UNC80: variants seen among roughly 807,000 people sequenced by gnomAD.
UNC80 encodes the protein protein unc-80 homolog.
A neutral mutation model predicts 384.6 loss-of-function variants in UNC80; 164 were observed. That is an observed-to-expected ratio of 0.43 (90% CI 0.38 to 0.49). The LOEUF (loss-of-function observed/expected upper bound fraction) is 0.49, where lower values mean the gene tolerates loss of function less well. Ranked by LOEUF, UNC80 falls within the 20% of genes least tolerant of loss-of-function variation. The pLI, the probability that UNC80 is intolerant of heterozygous loss-of-function variation, is 0.00. For missense variants in UNC80, 3,330 were observed against 4,143.0 expected (o/e 0.80, Z 5.39); for synonymous variants, 1,486 against 1,527.8 (o/e 0.97, Z 0.64).
Position 209,834,152 on chromosome 2 carries a change from C to A in UNC80, c.2926C>A (p.Pro976Thr). The A allele has an allele frequency of 6.4e-7, 1 of 1,551,444 alleles. No individual in the cohort carries two copies. Among genetic ancestry groups the A allele is most frequent in the South Asian group, 1.2e-5 (1 of 84,042 alleles). ...GGAGGAGAATGAACAGGAATCTAAG[C>A]CTGCAGGCAGTAAAAGGTTGGAAGC... ...KVEENEQESKPAGSKRSEAGS... is the reference protein window; with the variant it reads ...KVEENEQESKTAGSKRSEAGS... Residue 976 changes from proline to threonine, a missense_variant, in exon 17 of 65, where the codon CCT becomes ACT. By Grantham distance (38) the Pro-to-Thr change is conservative (BLOSUM62 -1). Coordinates refer to ENST00000673920, the MANE Select transcript of UNC80 (RefSeq NM_001371986.1).
intron 7 of UNC80, among the ~76,000 whole-genome samples, chr2:209,807,247 A>T (rs1241834104): frequency 6.6e-6 from 1 of 152,078 alleles, no homozygotes; most frequent in Non-Finnish European, 1.5e-5. Context: ...TTGTATTCAT[A>T]TTATTTTATA....
Position 209,969,789 on chromosome 2 carries a change from T to C in UNC80, c.8028T>C (p.Pro2676=). The change falls in exon 53 of 65, where the codon CCT becomes CCC. Residue 2676 remains proline, a synonymous_variant. Transcript: ENST00000673920. The part of the protein sequence containing the change: ...PTLRRQVEWE[P]ASNLIEGVCL... Reference sequence around the variant, plus strand: ...CCAGGCGACAGGTTGAGTGGGAGCCTGCCAGCAATTTGATTGAAGGGGTTT... The same window carrying C: ...CCAGGCGACAGGTTGAGTGGGAGCCCGCCAGCAATTTGATTGAAGGGGTTT... 1.9e-6 allele frequency: 3 copies of C among 1,551,690 alleles called. No homozygotes were observed. Among genetic ancestry groups the C allele is most frequent in the Non-Finnish European group, 2.6e-6 (3 of 1,146,978 alleles).
chr2:209,851,665 G>A lies in UNC80; in HGVS notation c.3627+2042G>A, dbSNP rs192608776. Among the ~76,000 whole-genome samples the A allele has an allele frequency of 3.0e-3, 458 of 151,694 alleles. 3 individuals carry two copies. The highest frequency in any genetic ancestry group is 0.01 in the African/African-American group (429 of 41,362). Reference sequence around the variant, plus strand: ...GTGTTTGTATAGTGATTTTTTTTCCGGATGTCTTAGTGTACAGCATTCTAA... The same window carrying A: ...GTGTTTGTATAGTGATTTTTTTTCCAGATGTCTTAGTGTACAGCATTCTAA... On this transcript the variant is annotated intron_variant, in intron 22 of 64. Transcript: ENST00000673920.
intron 59 of UNC80, among the ~76,000 whole-genome samples, chr2:209,981,251 A>G (rs1354633932): frequency 1.3e-5 from 2 of 152,252 alleles, no homozygotes; most frequent in African/African-American, 4.8e-5. Flanking sequence ...ATACTGTGCT[A>G]AAGTTAATTT....
intron 22 of UNC80, among the ~76,000 whole-genome samples, chr2:209,871,076 T>C (rs2084252473): frequency 6.6e-6 from 1 of 152,164 alleles, no homozygotes; most frequent in African/African-American, 2.4e-5. Context: ...GTTTTATGGT[T>C]GAGGTGGATG....
Position 209,819,094 on chromosome 2 carries a change from C to T in UNC80, c.1795C>T (p.Leu599Phe), listed in dbSNP as rs1054019518. 6 of 1,552,008 alleles carry T rather than the reference C, an allele frequency of 3.9e-6. No individual in the cohort carries two copies. The African/African-American group carries it at 8.2e-5, about 21-fold the overall frequency. Reference protein sequence around the residue: ...ADFFNEHMRKLCNQVPIPEMP... With the variant: ...ADFFNEHMRKFCNQVPIPEMP... ...CTTTTTCAATGAGCATATGAGGAAA[C>T]TCTGCAACCAGGTGCCTATCCCGGA... Residue 599 changes from leucine to phenylalanine, a missense_variant, in exon 12 of 65, where the codon CTC (leucine) becomes TTC (phenylalanine). Coordinates refer to ENST00000673920, the MANE Select transcript of UNC80 (RefSeq NM_001371986.1).
At chr2:209,821,479 T>C (rs138223155) in intron 13 of UNC80, among the ~76,000 whole-genome samples, 1,821 of 152,310 alleles carry the variant, frequency 0.012, 40 homozygotes, top group African/African-American at 0.04. Flanking sequence ...AGTAACACAT[T>C]TTTGGCAGCC....
intron 34 of UNC80, 49 bp downstream of exon 34, chr2:209,921,735 A>G (rs1292297548): frequency 6.7e-7 from 1 of 1,484,776 alleles, no homozygotes; most frequent in Admixed American, 2.5e-5. Flanking sequence ...TCAGGGAAAT[A>G]ACGTGCTCTG....
intron 14 of UNC80, among the ~76,000 whole-genome samples, chr2:209,828,178 T>C (rs2080682185): frequency 6.6e-6 from 1 of 152,198 alleles, no homozygotes; most frequent in Admixed American, 6.5e-5. Context: ...TAAAGAGCTT[T>C]ATAAATGCTG....
Position 209,839,285 on chromosome 2 carries a change from C to G in UNC80, c.3105C>G (p.Ser1035=). 1 of 1,551,560 alleles carries G rather than the reference C, an allele frequency of 6.4e-7. No individual in the cohort carries two copies. Among genetic ancestry groups the G allele is most frequent in the Non-Finnish European group, 8.7e-7 (1 of 1,146,990 alleles). The change falls in exon 19 of 65, where the codon TCC becomes TCG. Residue 1035 remains serine, a synonymous_variant. Transcript: ENST00000673920. The surrounding 1 kb of genome is among the most constrained non-coding windows in gnomAD (Gnocchi z 4.1). ...RKDFWRKMFK[S]QSAASDTSSQ... ...ATTTCTGGCGTAAGATGTTCAAGTC[C>G]CAGAGTGCAGCAAGTGACACCAGCA...
intron 22 of UNC80, among the ~76,000 whole-genome samples, chr2:209,871,036 C>A (rs1320310406): frequency 1.3e-5 from 2 of 151,964 alleles, no homozygotes; most frequent in African/African-American, 4.8e-5. Context: ...AGGAGATGAC[C>A]CAAATCACAA....
intron 63 of UNC80, 108 bp downstream of exon 63, chr2:209,993,534 G>A (rs2093430108): frequency 1.1e-6 from 1 of 892,032 alleles, no homozygotes; most frequent in Admixed American, 2.7e-5. Flanking sequence ...CACCTTTGGG[G>A]AGGTGCTAAC....
At chr2:209,931,915 A>G (rs574819512) in intron 38 of UNC80, among the ~76,000 whole-genome samples, 6 of 152,334 alleles carry the variant, frequency 3.9e-5, no homozygotes, top group Non-Finnish European at 5.9e-5. Context: ...TCTCTCTTGG[A>G]TAAAAATGCA....
chr2:209,781,299 G>A (rs11689771), intron 4 of UNC80, among the ~76,000 whole-genome samples: 22,306 of 152,144 alleles, frequency 0.15, 2,462 homozygotes, highest in African/African-American at 0.3. Context: ...ATTTTACCAA[G>A]AGGGAAATTG....
intron 26 of UNC80, among the ~76,000 whole-genome samples, chr2:209,889,215 G>C (rs529220178): frequency 6.6e-6 from 1 of 152,134 alleles, no homozygotes; most frequent in Non-Finnish European, 1.5e-5. Context: ...CAGCCTACAG[G>C]TTGCTTGTAA....
Position 209,941,345 on chromosome 2 carries a change from C to T in UNC80, c.6771C>T (p.Asn2257=), listed in dbSNP as rs373878779. 5.4e-5 allele frequency: 83 copies of T among 1,551,234 alleles called. No homozygotes were observed. The African/African-American group carries it at 8.1e-4, about 15-fold the overall frequency. Reference sequence around the variant, plus strand: ...GAGACGAAATCATGCTTTTCCTCAACGTTTTTAACGGGGCTCTGATCCTCC... The same window carrying T: ...GAGACGAAATCATGCTTTTCCTCAATGTTTTTAACGGGGCTCTGATCCTCC... The part of the protein sequence containing the change: ...PWGDEIMLFL[N]VFNGALILHP... Residue 2257 remains asparagine (N), a synonymous_variant, in exon 44 of 65, where the codon AAC becomes AAT. Coordinates refer to ENST00000673920, the MANE Select transcript of UNC80 (RefSeq NM_001371986.1).
In UNC80 at chr2:209,829,450, A is replaced by G. The variant is rs1482949537; in HGVS notation, c.2626+71A>G. 6 of 1,506,332 alleles carry G rather than the reference A, an allele frequency of 4.0e-6. No homozygotes were observed. In the East Asian group the frequency reaches 1.2e-4, roughly 31 times the overall value. 93.3% of individuals were successfully genotyped at this position (1,506,332 alleles called of 1,614,324 possible). The stretch of plus-strand genomic sequence containing the variant: ...GAATCAGGTAGTGTTTCAAGGGGAC[A>G]CTAAATTTGTGGAGGTAGAATTTAG... On this transcript the variant is annotated intron_variant, in intron 15 of 64. Coordinates refer to ENST00000673920, the MANE Select transcript of UNC80 (RefSeq NM_001371986.1).
At chr2:209,807,607 C>T (rs2078989912) in intron 7 of UNC80, among the ~76,000 whole-genome samples, 1 of 151,986 alleles carries the variant, frequency 6.6e-6, no homozygotes, top group Non-Finnish European at 1.5e-5. Context: ...TCGTGATCCG[C>T]CTGCCTCAGC....
At chr2:209,876,181 C>G (rs1273462058) in intron 23 of UNC80, among the ~76,000 whole-genome samples, 2 of 152,162 alleles carry the variant, frequency 1.3e-5, no homozygotes, top group Non-Finnish European at 2.9e-5. Flanking sequence ...CATAGACAGT[C>G]AGACATCCTA....
Sources: allele counts gnomAD v4.1 joint callset (sites outside exome capture counted in the v4.1 genomes callset), GRCh38; gene constraint gnomAD v4.1.1; non-coding constraint Gnocchi (gnomAD v3.1); transcripts MANE v1.5; gene names NCBI Gene and HGNC (gene_info 2026-07-23, HGNC 2026-07-21).